The following ARVCF variants were observed in gnomAD, a reference collection of about 807,000 sequenced individuals.
The protein encoded by ARVCF is ARVCF delta catenin family member, also known as splicing regulator ARVCF.
A neutral mutation model predicts 90.9 loss-of-function variants in ARVCF; 66 were observed. The observed-to-expected ratio is 0.73, with a 90% CI of 0.60 to 0.89. ARVCF has a LOEUF of 0.89. Ranked by LOEUF, ARVCF falls within the 40% of genes least tolerant of loss-of-function variation. The pLI is 0.00. For missense variants in ARVCF, 1,469 were observed against 1,382.3 expected (o/e 1.06, Z -1.00); for synonymous variants, 653 against 603.4 (o/e 1.08, Z -1.21).
chr22:19,975,796 T>C (rs373665151), intron 10 of ARVCF, 39 bp from the exon 11 acceptor site: 9 of 1,602,666 alleles, frequency 5.6e-6, no homozygotes, highest in East Asian at 4.5e-5. Context: ...GCAGACCCCA[T>C]ATGGGGAATG....
At chr22:19,971,480 C>A (rs1426399466) in intron 18 of ARVCF, 145 bp from the exon 19 acceptor site, 1 of 1,048,836 alleles carries the variant, frequency 9.5e-7, no homozygotes, top group African/African-American at 1.6e-5. Flanking sequence ...GCGCAGGGAG[C>A]CGGAAACGTG....
rs1277419748 is a variant in ARVCF at position 19,975,775 on chromosome 22, TG to T, written c.1889-19del. On this transcript the variant is annotated intron_variant, in intron 10 of 19. Coordinates refer to ENST00000263207, the MANE Select transcript of ARVCF (RefSeq NM_001670.3). ...CTTCTTTCCTGGAAGGGAAAGGTGG[TG>T]GGAGGTGAGGCAGACCCCATATGGG... The T allele has an allele frequency of 1.2e-6, 2 of 1,612,876 alleles. No homozygotes were observed. Among genetic ancestry groups the T allele is most frequent in the Admixed American group, 3.3e-5 (2 of 59,986 alleles).
chr22:19,977,341 T>G, intron 9 of ARVCF, 74 bp downstream of exon 9: 1 of 1,451,398 alleles, frequency 6.9e-7, no homozygotes, highest in Non-Finnish European at 9.1e-7. Context: ...TGGGCTGCTG[T>G]GGGTGTACAG....
At chr22:19,965,974 C>T (rs896106755), downstream of ARVCF, among the ~76,000 whole-genome samples, 3 of 152,246 alleles carry the variant, frequency 2.0e-5, no homozygotes, top group Non-Finnish European at 4.4e-5. Flanking sequence ...ACACCCACAG[C>T]TGGGCCTGCG....
At position 19,969,918 on chromosome 22, in the gene ARVCF, A is replaced by C; in HGVS notation, c.*838T>G. 1.0e-6 allele frequency: 1 copy of C among 985,512 alleles called. No homozygotes were observed. The highest frequency in any genetic ancestry group is 1.2e-6 in the Non-Finnish European group (1 of 829,932). The allele number at this position is 985,512 out of a possible 1,614,324, so 61.0% of individuals were successfully genotyped here. On this transcript the variant is annotated 3_prime_UTR_variant, in exon 20 of 20. Transcript: ENST00000263207. Reference sequence around the variant, plus strand: ...AAGTTCCTTTGCTGCTTTAATTTTTAAATTTTCTTACAAAAATTTAGGTGT... The same window carrying C: ...AAGTTCCTTTGCTGCTTTAATTTTTCAATTTTCTTACAAAAATTTAGGTGT...
intron 2 of ARVCF, among the ~76,000 whole-genome samples, chr22:20,005,441 G>T (rs367778026): frequency 2.0e-5 from 3 of 151,786 alleles, no homozygotes; most frequent in African/African-American, 4.8e-5. Flanking sequence ...TGGTGGGAAT[G>T]TAAGATCAGT....
At chr22:20,003,967 G>A (rs1339905694) in intron 2 of ARVCF, among the ~76,000 whole-genome samples, 2 of 152,042 alleles carry the variant, frequency 1.3e-5, no homozygotes, top group Non-Finnish European at 2.9e-5. Context: ...AAACCGTAAA[G>A]ATTCTACATG....
chr22:19,974,074 C>T, intron 12 of ARVCF, 38 bp downstream of exon 12: 1 of 1,579,382 alleles, frequency 6.3e-7, no homozygotes, highest in Non-Finnish European at 8.6e-7. Context: ...GATTCCCTCT[C>T]TCAGGACTTG....
In ARVCF at chr22:19,980,131, C is replaced by T. The variant is rs1943409107; in HGVS notation, c.1008G>A (p.Leu336=). 1 of 1,592,584 alleles carries T rather than the reference C, an allele frequency of 6.3e-7. No individual in the cohort carries two copies. The highest frequency in any genetic ancestry group is 8.5e-7 in the Non-Finnish European group (1 of 1,172,464). The change falls in exon 6 of 20, where the codon CTG becomes CTA. Residue 336 remains leucine, a synonymous_variant. Transcript: ENST00000263207. ...AGGGCGAGCGCCGCACCAGCCGGTC[C>T]AGGCTGCCCATGCTGCCCCGTTCAG... ...AQPERGSMGS[L]DRLVRRSPSV... is the part of the protein sequence containing the mutation.
downstream of ARVCF, chr22:19,967,308 C>T: frequency 1.1e-6 from 1 of 950,484 alleles, no homozygotes; most frequent in Non-Finnish European, 1.5e-6. Flanking sequence ...GACTGGAAGG[C>T]AGCCGCCCTG....
intron 1 of ARVCF, among the ~76,000 whole-genome samples, chr22:20,014,298 G>C (rs563120695): frequency 6.6e-6 from 1 of 151,906 alleles, no homozygotes; most frequent in East Asian, 1.9e-4. Context: ...CGGTTCAAGC[G>C]ATTCTCCTGC....
chr22:19,971,463 AC>A (rs1942781742), intron 18 of ARVCF, 128 bp from the exon 19 acceptor site: 1 of 1,191,902 alleles, frequency 8.4e-7, no homozygotes, highest in South Asian at 1.6e-5. Context: ...CACAGGTAGC[AC>A]CAAGGGCGCA....
intron 3 of ARVCF, among the ~76,000 whole-genome samples, chr22:19,984,363 C>T (rs1242104333): frequency 6.6e-6 from 1 of 152,134 alleles, no homozygotes; most frequent in Non-Finnish European, 1.5e-5. Context: ...AGAGCCACGC[C>T]CCCGCAGCAA....
intron 9 of ARVCF, 98 bp from the exon 10 acceptor site, chr22:19,976,821 G>T: frequency 1.5e-6 from 2 of 1,371,982 alleles, no homozygotes; most frequent in Admixed American, 4.0e-5. Flanking sequence ...GGTTCCCACT[G>T]CACACCCTGG....
chr22:20,004,593 C>T (rs571483252), intron 2 of ARVCF, among the ~76,000 whole-genome samples: 1 of 151,982 alleles, frequency 6.6e-6, no homozygotes, highest in Non-Finnish European at 1.5e-5. Flanking sequence ...AGAGCCAAAA[C>T]AATCTGGAAA....
chr22:19,973,533 G>C lies in ARVCF; in HGVS notation c.2239+110C>G. On this transcript the variant is annotated intron_variant, in intron 13 of 19. Coordinates refer to ENST00000263207, the MANE Select transcript of ARVCF (RefSeq NM_001670.3). ...CAGTTGGGACAGCGCCCAAGCGAGA[G>C]GGCCGGGGCCTGGACTCCCAAACCA... The C allele has an allele frequency of 2.0e-6, 3 of 1,490,908 alleles. No homozygotes were observed. In the South Asian group the frequency reaches 3.9e-5, roughly 20 times the overall value. The allele number at this position is 1,490,908 out of a possible 1,614,324, so 92.4% of individuals were successfully genotyped here. A position where few individuals can be genotyped will look rare whatever the true frequency, so the allele number is the denominator to read the frequency against.
intron 18 of ARVCF, among the ~76,000 whole-genome samples, chr22:19,971,677 G>A (rs1001229759): frequency 3.3e-5 from 5 of 152,172 alleles, no homozygotes; most frequent in South Asian, 2.1e-4. Context: ...GGGTGTGGCC[G>A]GGCAGTGTTG....
Position 19,980,980 on chromosome 22 carries a change from G to A in ARVCF, c.896+231C>T, listed in dbSNP as rs143082972. The A allele has an allele frequency of 2.6e-4, 138 of 534,204 alleles. 2 individuals carry two copies. In the East Asian group the frequency reaches 3.1e-3, roughly 12 times the overall value. 33.1% of individuals were successfully genotyped at this position (534,204 alleles called of 1,614,324 possible). A position where few individuals can be genotyped will look rare whatever the true frequency, so the allele number is the denominator to read the frequency against. Reference sequence around the variant, plus strand: ...TGTGGCTGGAGCAAGGCCAGTGGCCGGCACTCTTCCCAGCTTTCCTGGGCC... The same window carrying A: ...TGTGGCTGGAGCAAGGCCAGTGGCCAGCACTCTTCCCAGCTTTCCTGGGCC... On this transcript the variant is annotated intron_variant, in intron 5 of 19. Transcript: ENST00000263207.
rs533767779 is a variant in ARVCF at position 20,013,746 on chromosome 22, G to A, written c.-73+2843C>T. ...CCCACCAGCTCTGGGTCATCTTCCC[G>A]ACCTGAAACAGGCCAAGATATGAAG... On this transcript the variant is annotated intron_variant, in intron 1 of 19. Transcript: ENST00000263207. Among the ~76,000 whole-genome samples, 9 of 152,330 alleles carry A rather than the reference G, an allele frequency of 5.9e-5. No individual in the cohort carries two copies. The South Asian group carries it at 1.2e-3, about 21-fold the overall frequency.
Sources: gnomAD v4.1 joint callset for allele counts (sites outside exome capture counted in the v4.1 genomes callset) on GRCh38, gnomAD v4.1.1 for gene constraint, MANE v1.5 for transcripts, NCBI Gene and HGNC (gene_info 2026-07-23, HGNC 2026-07-21) for gene names.